SIK3: variants seen among roughly 807,000 people sequenced by gnomAD.
SIK3 encodes the protein serine/threonine-protein kinase SIK3.
SIK3 carries 28 observed loss-of-function variants against 144.2 expected under a neutral mutation model. The observed-to-expected ratio is 0.19, with a 90% CI of 0.14 to 0.27. The LOEUF is 0.27. Among genes scored for constraint, SIK3 ranks in the 10% least tolerant of loss-of-function variants. The pLI is 1.00. For missense variants in SIK3, 1,319 were observed against 1,776.0 expected (o/e 0.74, Z 4.62); for synonymous variants, 686 against 676.3 (o/e 1.01, Z -0.22).
intron 3 of SIK3, among the ~76,000 whole-genome samples, chr11:116,936,718 A>T (rs1375170554): frequency 6.6e-6 from 1 of 152,168 alleles, no homozygotes; most frequent in African/African-American, 2.4e-5. Flanking sequence ...CATTGTTACC[A>T]GTTATTCTAA....
chr11:116,987,759 A>C (rs901653449), intron 1 of SIK3, among the ~76,000 whole-genome samples: 3 of 152,242 alleles, frequency 2.0e-5, no homozygotes, highest in African/African-American at 7.2e-5. Flanking sequence ...CGTCCACCAG[A>C]ATAAGAAACT....
At chr11:116,897,074 G>T in intron 5 of SIK3, 119 bp downstream of exon 5, 50 of 834,804 alleles carry the variant, frequency 6.0e-5, no homozygotes, top group Non-Finnish European at 8.0e-5. Flanking sequence ...GGACTTGAAA[G>T]AACAGGTGAC....
chr11:116,949,378 G>A (rs542796934), intron 3 of SIK3, among the ~76,000 whole-genome samples: 2 of 152,344 alleles, frequency 1.3e-5, no homozygotes, highest in Admixed American at 1.3e-4. Flanking sequence ...ATACTCAGCC[G>A]TTAAACTCCA....
In SIK3 at chr11:117,058,739, T is replaced by A. The variant is rs185416305; in HGVS notation, c.273+39404A>T. ...AGAAATGAAATCAACTCCAAACAAGTGAGAAAACTACTAAAGAGAATAATA... is the reference window on the plus strand; with the variant it reads ...AGAAATGAAATCAACTCCAAACAAGAGAGAAAACTACTAAAGAGAATAATA... On this transcript the variant is annotated intron_variant, in intron 1 of 24. Transcript: ENST00000445177. Among the ~76,000 whole-genome samples, 47 of 152,140 alleles carry A rather than the reference T, an allele frequency of 3.1e-4. 1 individual carries two copies. In the East Asian group the frequency reaches 8.7e-3, roughly 28 times the overall value.
chr11:116,996,151 T>C (rs1241642366), intron 1 of SIK3, among the ~76,000 whole-genome samples: 1 of 151,918 alleles, frequency 6.6e-6, no homozygotes, highest in Non-Finnish European at 1.5e-5. Flanking sequence ...CTACTAAAAA[T>C]ACAAAAATTA....
At chr11:116,947,635 G>A (rs1301314887) in intron 3 of SIK3, among the ~76,000 whole-genome samples, 3 of 147,968 alleles carry the variant, frequency 2.0e-5, no homozygotes, top group African/African-American at 5.0e-5. Flanking sequence ...GCACGATCTC[G>A]GCTCACTGCA....
chr11:116,908,019 G>A (rs949538518), intron 4 of SIK3, among the ~76,000 whole-genome samples: 2 of 149,410 alleles, frequency 1.3e-5, no homozygotes, highest in East Asian at 1.9e-4. Context: ...GTATCTTTAC[G>A]GCCTCAGGGG....
At chr11:117,038,693 T>C (rs1199142207) in intron 1 of SIK3, among the ~76,000 whole-genome samples, 2 of 148,208 alleles carry the variant, frequency 1.3e-5, no homozygotes, top group African/African-American at 5.0e-5. Flanking sequence ...CCTCTCCTTT[T>C]ACCTTTGTTA....
intron 1 of SIK3, among the ~76,000 whole-genome samples, chr11:117,058,511 C>T (rs1229898732): frequency 7.4e-6 from 1 of 135,048 alleles, no homozygotes; most frequent in Non-Finnish European, 1.5e-5. Flanking sequence ...CAGAGCGAGA[C>T]TCCATCTCAA....
At chr11:117,096,716 T>G (rs377060775) in intron 1 of SIK3, among the ~76,000 whole-genome samples, 1 of 151,998 alleles carries the variant, frequency 6.6e-6, no homozygotes. Context: ...GACACCCTGG[T>G]AAGAAGGGCC....
chr11:116,921,640 A>AT (rs1291136582), intron 4 of SIK3, among the ~76,000 whole-genome samples: 2 of 152,196 alleles, frequency 1.3e-5, no homozygotes, highest in Non-Finnish European at 2.9e-5. Context: ...AAGTGCTGAG[A>AT]TTACGGGCAT....
chr11:116,993,024 A>G (rs1950547864), intron 1 of SIK3, among the ~76,000 whole-genome samples: 1 of 152,148 alleles, frequency 6.6e-6, no homozygotes, highest in African/African-American at 2.4e-5. Context: ...AACAACAACT[A>G]AACAGATTTT....
At chr11:117,089,973 C>T (rs545478475) in intron 1 of SIK3, among the ~76,000 whole-genome samples, 10 of 152,300 alleles carry the variant, frequency 6.6e-5, no homozygotes, top group African/African-American at 2.4e-4. Context: ...CTGCTAAACA[C>T]AAATATGTTC....
intron 1 of SIK3, among the ~76,000 whole-genome samples, chr11:117,007,122 A>C (rs1951077382): frequency 6.6e-6 from 1 of 152,224 alleles, no homozygotes; most frequent in Non-Finnish European, 1.5e-5. Context: ...TCACGCCTGT[A>C]ATCTCAGCAC....
chr11:116,997,475 G>A (rs1950708725), intron 1 of SIK3, among the ~76,000 whole-genome samples: 1 of 152,056 alleles, frequency 6.6e-6, no homozygotes, highest in Non-Finnish European at 1.5e-5. Flanking sequence ...CAGTATTATA[G>A]GATAAAAAGT....
Position 116,846,624 on chromosome 11 carries a change from G to C in SIK3, c.3953-71C>G. The C allele has an allele frequency of 6.3e-7, 1 of 1,577,138 alleles. No individual in the cohort carries two copies. Among genetic ancestry groups the C allele is most frequent in the East Asian group, 2.2e-5 (1 of 44,460 alleles). On this transcript the variant is annotated intron_variant, in intron 23 of 24. Transcript: ENST00000445177. This position sits in a 1 kb window ranked among gnomAD's most constrained non-coding sequence, Gnocchi z 4.1. ...ACTAGGAGAGCAAGGGGGAGAGAGA[G>C]GAGGAATTGAAGGCAACCTGTCGAG...
intron 1 of SIK3, among the ~76,000 whole-genome samples, chr11:117,059,012 T>C (rs1279093006): frequency 2.0e-5 from 3 of 152,104 alleles, no homozygotes; most frequent in Non-Finnish European, 4.4e-5. Flanking sequence ...ATGTCACAAA[T>C]TGGGAGACAA....
In SIK3 at chr11:117,042,414, T is replaced by C. The variant is rs138439465; in HGVS notation, c.273+55729A>G. ...AGTGTTGTCTCGCTGCACATCTACA[T>C]GTGTCTGGTTCTTAAAAGTCAGTGT... is the stretch of plus-strand genomic sequence containing the variant. On this transcript the variant is annotated intron_variant, in intron 1 of 24. Transcript: ENST00000445177. 2.2e-4 allele frequency among the ~76,000 whole-genome samples: 34 copies of C among 152,318 alleles called. No homozygotes were observed. The East Asian group carries it at 5.0e-3, about 22-fold the overall frequency.
intron 1 of SIK3, among the ~76,000 whole-genome samples, chr11:116,995,121 G>A (rs1185818258): frequency 1.3e-5 from 2 of 152,010 alleles, no homozygotes; most frequent in Admixed American, 6.5e-5. Context: ...ACAAAAATTA[G>A]CTGGGCATGA....
Sources: gnomAD v4.1 joint callset for allele counts (sites outside exome capture counted in the v4.1 genomes callset) on GRCh38, gnomAD v4.1.1 for gene constraint, Gnocchi (gnomAD v3.1) non-coding constraint, MANE v1.5 for transcripts, NCBI Gene and HGNC (gene_info 2026-07-23, HGNC 2026-07-21) for gene names.